Variants in ABCG2 observed in about 807,000 individuals in gnomAD.
ABCG2 encodes the protein ATP binding cassette subfamily G member 2 (JR blood group).
ABCG2 carries 80 observed loss-of-function variants against 73.5 expected under a neutral mutation model. The ratio of observed to expected loss-of-function variants is 1.09; its 90% CI spans 0.91 to 1.31. The LOEUF (loss-of-function observed/expected upper bound fraction) is 1.31. Among genes scored for constraint, ABCG2 ranks in the 50% most tolerant of loss-of-function variants. ABCG2 has a pLI of 0.00. For synonymous variants in ABCG2, 269 were observed against 282.4 expected (o/e 0.95, Z 0.48); for missense variants, 796 against 786.2 (o/e 1.01, Z -0.15).
chr4:88,117,961 A>T, intron 7 of ABCG2, 148 bp downstream of exon 7: 1 of 727,828 alleles, frequency 1.4e-6, no homozygotes, highest in Non-Finnish European at 2.1e-6. Flanking sequence ...GAAAAATACT[A>T]GCACCAAATG....
chr4:88,217,426 C>T (rs1475240850), intron 1 of ABCG2, among the ~76,000 whole-genome samples: 2 of 152,020 alleles, frequency 1.3e-5, no homozygotes, highest in African/African-American at 4.8e-5. Flanking sequence ...TTTGTGAGGC[C>T]GAGGTGAGCA....
At chr4:88,100,424 AC>A (rs1396051794) in intron 11 of ABCG2, among the ~76,000 whole-genome samples, 2 of 150,878 alleles carry the variant, frequency 1.3e-5, no homozygotes, top group African/African-American at 4.9e-5. Flanking sequence ...AATCGCTTGA[AC>A]CCGGGAGGTA....
intron 1 of ABCG2, among the ~76,000 whole-genome samples, chr4:88,225,617 G>C (rs1730179783): frequency 6.6e-6 from 1 of 152,174 alleles, no homozygotes; most frequent in African/African-American, 2.4e-5. Context: ...ACAGGGCTTT[G>C]ATGTAGACAG....
At chr4:88,222,461 G>C (rs760042450) in intron 1 of ABCG2, among the ~76,000 whole-genome samples, 2 of 152,136 alleles carry the variant, frequency 1.3e-5, no homozygotes, top group Non-Finnish European at 2.9e-5. Flanking sequence ...CATGAGATTT[G>C]AGGGTTTAAA....
chr4:88,200,312 A>C (rs9968365), intron 1 of ABCG2, among the ~76,000 whole-genome samples: 66,885 of 151,810 alleles, frequency 0.44, 15,589 homozygotes, highest in Middle Eastern at 0.54. Flanking sequence ...TGGGCAACAG[A>C]CTGAGACTCT....
At chr4:88,094,428 C>T in intron 15 of ABCG2, 149 bp downstream of exon 15, 7 of 615,206 alleles carry the variant, frequency 1.1e-5, no homozygotes, top group South Asian at 1.1e-4. Flanking sequence ...CACATGCATT[C>T]GCGCACAACT....
intron 6 of ABCG2, among the ~76,000 whole-genome samples, chr4:88,119,164 C>A (rs1723792304): frequency 6.6e-6 from 1 of 152,184 alleles, no homozygotes; most frequent in African/African-American, 2.4e-5. Flanking sequence ...AATGGGAGTT[C>A]CCCTGCACAA....
At chr4:88,117,058 T>A (rs921462537) in intron 7 of ABCG2, among the ~76,000 whole-genome samples, 3 of 152,196 alleles carry the variant, frequency 2.0e-5, no homozygotes, top group African/African-American at 7.2e-5. Context: ...CCGGTCACAG[T>A]GGCTCACACC....
intron 1 of ABCG2, among the ~76,000 whole-genome samples, chr4:88,218,425 TA>T (rs1729891598): frequency 1.3e-5 from 2 of 152,236 alleles, no homozygotes; most frequent in African/African-American, 4.8e-5. Context: ...AGGAACTCAG[TA>T]AACATTTCTC....
At chr4:88,191,088 A>C (rs113972065) in intron 1 of ABCG2, among the ~76,000 whole-genome samples, 6,716 of 149,768 alleles carry the variant, frequency 0.045, 192 homozygotes, top group South Asian at 0.073. Context: ...TACACACACA[A>C]AAAAAAATTA....
chr4:88,181,469 G>A (rs937603791), intron 1 of ABCG2, among the ~76,000 whole-genome samples: 2 of 150,750 alleles, frequency 1.3e-5, no homozygotes, highest in Non-Finnish European at 2.9e-5. Context: ...GGTGACTCAT[G>A]TATGTAATTC....
chr4:88,195,456 T>G (rs1201122230), intron 1 of ABCG2, among the ~76,000 whole-genome samples: 1 of 152,166 alleles, frequency 6.6e-6, no homozygotes, highest in Non-Finnish European at 1.5e-5. Context: ...GGTATCCTAG[T>G]CACGTGGCAC....
chr4:88,131,292 A>G (rs1050661788), intron 4 of ABCG2, 79 bp from the exon 5 acceptor site: 142 of 1,412,250 alleles, frequency 1.0e-4, no homozygotes, highest in Non-Finnish European at 1.4e-4. Context: ...TATACATAAC[A>G]TAATCCACAA....
intron 1 of ABCG2, among the ~76,000 whole-genome samples, chr4:88,148,729 T>A (rs1377203280): frequency 6.6e-6 from 1 of 152,204 alleles, no homozygotes; most frequent in African/African-American, 2.4e-5. Flanking sequence ...ATCATGTTTA[T>A]TGGAAACCCG....
At chr4:88,200,976 T>C (rs115170357) in intron 1 of ABCG2, among the ~76,000 whole-genome samples, 75 of 152,086 alleles carry the variant, frequency 4.9e-4, no homozygotes, top group African/African-American at 1.7e-3. Context: ...ATTTATGTCA[T>C]TGGAAACATA....
chr4:88,095,998 G>T (rs1578166431), intron 13 of ABCG2, among the ~76,000 whole-genome samples: 1 of 152,278 alleles, frequency 6.6e-6, no homozygotes, highest in East Asian at 1.9e-4. Flanking sequence ...GGCATTGGAA[G>T]AATCTATACC....
upstream of ABCG2, chr4:88,158,732 C>G (rs1578244209): frequency 2.4e-6 from 1 of 418,354 alleles, no homozygotes; most frequent in East Asian, 8.9e-5. Context: ...ACACCCGGCG[C>G]GCCCGAGCGC....
At chr4:88,127,738 G>A (rs922199002) in intron 5 of ABCG2, among the ~76,000 whole-genome samples, 3 of 152,002 alleles carry the variant, frequency 2.0e-5, no homozygotes, top group African/African-American at 7.3e-5. Context: ...AACTGAAACT[G>A]GACCACTTCC....
At chr4:88,226,469 A>G (rs1019614800) in intron 1 of ABCG2, among the ~76,000 whole-genome samples, 2 of 152,230 alleles carry the variant, frequency 1.3e-5, no homozygotes, top group African/African-American at 4.8e-5. Flanking sequence ...TTTCTATTGT[A>G]AAGTATAATT....
Sources: allele counts gnomAD v4.1 joint callset (sites outside exome capture counted in the v4.1 genomes callset), GRCh38; gene constraint gnomAD v4.1.1; transcripts MANE v1.5; gene names NCBI Gene and HGNC (gene_info 2026-07-23, HGNC 2026-07-21).